CHRD: variants seen among roughly 807,000 people sequenced by gnomAD.
CHRD encodes chordin.
In CHRD, 69 loss-of-function variants were observed where a neutral mutation model predicts 113.7. The ratio of observed to expected loss-of-function variants is 0.61; its 90% CI spans 0.50 to 0.74. CHRD has a LOEUF of 0.74. Among genes scored for constraint, CHRD ranks in the 30% least tolerant of loss-of-function variants. The pLI is 0.00. For missense variants in CHRD, 1,194 were observed against 1,295.8 expected (o/e 0.92, Z 1.21); for synonymous variants, 561 against 540.8 (o/e 1.04, Z -0.52).
exon 16 of CHRD, chr3:184,386,730 C>A (rs781476129): frequency 1.1e-5 from 18 of 1,612,696 alleles, no homozygotes; most frequent in East Asian, 1.1e-4. Context: ...AACTACGACC[C>A]GCTCTGCTCA....
chr3:184,386,306 T>C (rs1716269845), intron 15 of CHRD, 147 bp downstream of exon 15: 9 of 1,199,274 alleles, frequency 7.5e-6, no homozygotes, highest in Non-Finnish European at 1.1e-5. Flanking sequence ...GAGGATGAGC[T>C]ACATGAGGAG....
At chr3:184,390,221 CCCCT>C, downstream of CHRD, 1 of 103,810 alleles carries the variant, frequency 9.6e-6, no homozygotes, top group African/African-American at 3.7e-5. Context: ...CCCCTCCCCT[CCCCT>C]CCCCTCCCCT....
At position 184,381,324 on chromosome 3, in the gene CHRD, G is replaced by T. The variant is rs1168101492; in HGVS notation, c.342G>T (p.Pro114=). 1.2e-6 allele frequency: 2 copies of T among 1,606,796 alleles called. No individual in the cohort carries two copies. The highest frequency in any genetic ancestry group is 1.7e-5 in the Admixed American group (1 of 59,164). Residue 114 remains proline, a synonymous_variant, in exon 3 of 23, where the codon CCG becomes CCT. Transcript: ENST00000204604. This position sits in a 1 kb window ranked among gnomAD's most constrained non-coding sequence, Gnocchi z 4.7. The stretch of plus-strand genomic sequence containing the variant: ...GCCCAACCCCGGCCTGTGGGCAGCC[G>T]CGCCAGCTGCCGGGACACTGCTGCC...
At position 184,388,828 on chromosome 3, in the gene CHRD, A is replaced by G. The variant is rs567457341; in HGVS notation, c.2710-65A>G. On this transcript the variant is annotated intron_variant, in intron 21 of 22. Coordinates refer to ENST00000204604, the Ensembl canonical transcript of CHRD. This position sits in a 1 kb window ranked among gnomAD's most constrained non-coding sequence, Gnocchi z 6.1. Reference sequence around the variant, plus strand: ...ACCTTCCCAGGGAGGTCCCTGAAGAAGCTGAAGGTCACTGTGTCCCAGTGC... The same window carrying G: ...ACCTTCCCAGGGAGGTCCCTGAAGAGGCTGAAGGTCACTGTGTCCCAGTGC... 1.7e-5 allele frequency: 27 copies of G among 1,604,790 alleles called. No individual in the cohort carries two copies. The Admixed American group carries it at 3.3e-4, about 20-fold the overall frequency.
At position 184,384,072 on chromosome 3, in the gene CHRD, G is replaced by T. The variant is rs1194959400; in HGVS notation, c.1440+430G>T. 2.6e-5 allele frequency among the ~76,000 whole-genome samples: 4 copies of T among 152,148 alleles called. No homozygotes were observed. The highest frequency in any genetic ancestry group is 2.9e-5 in the Non-Finnish European group (2 of 68,028). On this transcript the variant is annotated intron_variant, in intron 12 of 22. Coordinates refer to ENST00000204604, the Ensembl canonical transcript of CHRD. This position sits in a 1 kb window ranked among gnomAD's most constrained non-coding sequence, Gnocchi z 4.4. Reference sequence around the variant, plus strand: ...TTACAGGCGAGAGCCACCGTGCCCGGCATGATTTGACATTTTTAGTGAGCC... The same window carrying T: ...TTACAGGCGAGAGCCACCGTGCCCGTCATGATTTGACATTTTTAGTGAGCC...
At position 184,384,664 on chromosome 3, in the gene CHRD, C is replaced by T; in HGVS notation, c.1568C>T (p.Pro523Leu). The change falls in exon 13 of 23, where the codon CCC (proline) becomes CTC (leucine). Residue 523 changes from proline (P) to leucine (L), a missense_variant. By Grantham distance (98) the Pro-to-Leu change is moderately conservative. Coordinates refer to ENST00000204604, the Ensembl canonical transcript of CHRD. The surrounding 1 kb of genome is among the most constrained non-coding windows in gnomAD (Gnocchi z 4.4). ...CTTCGGGGGCACGTGGCTGCCCTGC[C>T]CTACTGTGGGCATAGCGCCCGCCAT... The T allele has an allele frequency of 1.3e-6, 2 of 1,589,174 alleles. No individual in the cohort carries two copies. The highest frequency in any genetic ancestry group is 1.7e-6 in the Non-Finnish European group (2 of 1,168,170).
Position 184,387,986 on chromosome 3 carries a change from C to G in CHRD, c.2507C>G (p.Ala836Gly). 1 of 1,613,756 alleles carries G rather than the reference C, an allele frequency of 6.2e-7. No individual in the cohort carries two copies. The highest frequency in any genetic ancestry group is 1.7e-5 in the Admixed American group (1 of 59,992). The stretch of plus-strand genomic sequence containing the variant: ...GTGCAGTGTCCCCGGCTGGCCTGTG[C>G]CCAGCCTGTGCGTGTCAACCCCACC... The change falls in exon 20 of 23, where the codon GCC becomes GGC. Residue 836 changes from alanine to glycine, a missense_variant. Ala to Gly is a moderately conservative substitution (Grantham distance 60). Coordinates refer to ENST00000204604, the Ensembl canonical transcript of CHRD. This position sits in a 1 kb window ranked among gnomAD's most constrained non-coding sequence, Gnocchi z 6.1.
rs150714848 is a variant in CHRD, at chr3:184,386,286, G to T, written c.1932+127G>T. On this transcript the variant is annotated intron_variant, in intron 15 of 22. Coordinates refer to ENST00000204604, the Ensembl canonical transcript of CHRD. ...GGTGGTCGTATCACAGCGCCCCCCC[G>T]GCTGGTGGGGAGGATGAGCTACATG... The T allele has an allele frequency of 1.2e-5, 14 of 1,216,524 alleles. No individual in the cohort carries two copies. The African/African-American group carries it at 2.0e-4, about 17-fold the overall frequency. 75.4% of individuals were successfully genotyped at this position (1,216,524 alleles called of 1,614,324 possible). A position where few individuals can be genotyped will look rare whatever the true frequency, so the allele number is the denominator to read the frequency against.
At chr3:184,386,964 G>A (rs1177076892) in intron 17 of CHRD, 26 bp downstream of exon 17, 1 of 1,614,202 alleles carries the variant, frequency 6.2e-7, no homozygotes, top group South Asian at 1.1e-5. Flanking sequence ...GGGAGTGGAG[G>A]GAGGAGTTGG....
In CHRD at chr3:184,382,383, C is replaced by T. The variant is rs774129620; in HGVS notation, c.700-6C>T. 4.3e-6 allele frequency: 7 copies of T among 1,614,058 alleles called. No homozygotes were observed. The highest frequency in any genetic ancestry group is 5.9e-6 in the Non-Finnish European group (7 of 1,180,012). ...AGCGTAGGGCCTTCTTGTCTCTCTG[C>T]TCCAGGTCTGTGGGGTGTGGCGGGC... On this transcript the variant is annotated splice_polypyrimidine_tract_variant and splice_region_variant and intron_variant, in intron 6 of 22. Coordinates refer to ENST00000204604, the Ensembl canonical transcript of CHRD.
At position 184,388,281 on chromosome 3, in the gene CHRD, A is replaced by G. The variant is rs78047487; in HGVS notation, c.2554+248A>G. On this transcript the variant is annotated intron_variant, in intron 20 of 22. Coordinates refer to ENST00000204604, the Ensembl canonical transcript of CHRD. This position sits in a 1 kb window ranked among gnomAD's most constrained non-coding sequence, Gnocchi z 6.1. ...CATCCATCCATCCATCCATCCATCC[A>G]TCCGTCCATTCATCTATCTATCCAC... Among the ~76,000 whole-genome samples the G allele has an allele frequency of 7.3e-6, 1 of 136,652 alleles. No individual in the cohort carries two copies. The highest frequency in any genetic ancestry group is 1.6e-5 in the Non-Finnish European group (1 of 63,330). The allele number at this position is 136,652 out of a possible 152,430, so 89.6% of individuals were successfully genotyped here.
rs561646793 is a variant in CHRD at position 184,386,543 on chromosome 3, G to C, written c.1984G>C (p.Gly662Arg). Residue 662 changes from glycine (G) to arginine (R), a missense_variant, in exon 16 of 23, where the codon GGG (glycine) becomes CGG (arginine). Coordinates refer to ENST00000204604, the Ensembl canonical transcript of CHRD. ...TGGCGGACTGCGCCTGGAGGCGGCC[G>C]GGGCCGAGGGGGTGCGGGCGCTGGG... 5.9e-5 allele frequency: 90 copies of C among 1,532,788 alleles called. No individual in the cohort carries two copies. The African/African-American group carries it at 1.2e-3, about 20-fold the overall frequency. 94.9% of individuals were successfully genotyped at this position (1,532,788 alleles called of 1,614,324 possible).
downstream of CHRD, chr3:184,390,196 CCCCT>C (rs1716961804): frequency 8.6e-5 from 1 of 11,570 alleles, no homozygotes; most frequent in Non-Finnish European, 1.7e-4. Flanking sequence ...TTCTTTCCCT[CCCCT>C]CCCCTCCCCT....
In CHRD at chr3:184,381,053, G is replaced by T. The variant is rs1282373697; in HGVS notation, c.253-182G>T. ...TCATGGCAGCCTTGCTAGATAGAGA[G>T]TATTATTATCCCCATTTTCCAGACA... On this transcript the variant is annotated intron_variant, in intron 2 of 22. Coordinates refer to ENST00000204604, the Ensembl canonical transcript of CHRD. The surrounding 1 kb of genome is among the most constrained non-coding windows in gnomAD (Gnocchi z 4.7). The T allele has an allele frequency of 5.1e-6, 4 of 776,850 alleles. No individual in the cohort carries two copies. The highest frequency in any genetic ancestry group is 5.1e-5 in the African/African-American group (3 of 58,654). The allele number at this position is 776,850 out of a possible 1,614,324, so 48.1% of individuals were successfully genotyped here.
rs1039298712 is a variant in CHRD, at chr3:184,380,427, C to A, written c.109C>A (p.Arg37Ser). 1 of 1,302,600 alleles carries A rather than the reference C, an allele frequency of 7.7e-7. No individual in the cohort carries two copies. The highest frequency in any genetic ancestry group is 9.8e-7 in the Non-Finnish European group (1 of 1,018,674). 80.7% of individuals were successfully genotyped at this position (1,302,600 alleles called of 1,614,324 possible). A position where few individuals can be genotyped will look rare whatever the true frequency, so the allele number is the denominator to read the frequency against. ...CCCAGAGCCCCCCGTGCTGCCCATCCGTTCTGAGAAGGAGCCGCTGCCCGT... is the reference window on the plus strand; with the variant it reads ...CCCAGAGCCCCCCGTGCTGCCCATCAGTTCTGAGAAGGAGCCGCTGCCCGT... Residue 37 changes from arginine (R) to serine (S), a missense_variant, in exon 1 of 23, where the codon CGT (arginine) becomes AGT (serine). Arg to Ser is a moderately radical substitution (Grantham distance 110, BLOSUM62 -1). Transcript: ENST00000204604. This position sits in a 1 kb window ranked among gnomAD's most constrained non-coding sequence, Gnocchi z 6.3.
chr3:184,386,080 T>C, exon 15 of CHRD: 5 of 1,614,240 alleles, frequency 3.1e-6, no homozygotes, highest in Non-Finnish European at 3.4e-6. Context: ...GAGCCGGAAC[T>C]GCTGCGGCAC....
exon 14 of CHRD, chr3:184,385,130 G>T (rs764248975): frequency 6.2e-7 from 1 of 1,614,182 alleles, no homozygotes; most frequent in Non-Finnish European, 8.5e-7. Context: ...ATGAAGTGCT[G>T]CTGGCTGGGC....
rs1457205452 is a variant in CHRD at position 184,386,841 on chromosome 3, G to T, written c.2197-4G>T. On this transcript the variant is annotated splice_region_variant and splice_polypyrimidine_tract_variant and intron_variant, in intron 16 of 22. Transcript: ENST00000204604. ...CCCGTCAATGCCTCTGCTCCTCTCT[G>T]CAGAGACGAACGGTGATCTGTGACC... 1.2e-6 allele frequency: 2 copies of T among 1,614,044 alleles called. No individual in the cohort carries two copies. The highest frequency in any genetic ancestry group is 2.2e-5 in the East Asian group (1 of 44,900).
chr3:184,386,937 T>C (rs1456026935), exon 17 of CHRD: 2 of 1,614,054 alleles, frequency 1.2e-6, no homozygotes, highest in Non-Finnish European at 1.7e-6. Context: ...CTGTTTGCCC[T>C]GGTGAGTTCC....
Sources: gnomAD v4.1 joint callset for allele counts (sites outside exome capture counted in the v4.1 genomes callset) on GRCh38, gnomAD v4.1.1 for gene constraint, Gnocchi (gnomAD v3.1) non-coding constraint, MANE v1.5 for transcripts, NCBI Gene and HGNC (gene_info 2026-07-23, HGNC 2026-07-21) for gene names.